ABI1: variants seen among roughly 807,000 people sequenced by gnomAD.
The protein encoded by ABI1 is abl interactor 1.
In ABI1, 14 loss-of-function variants were observed where a neutral mutation model predicts 54.6. That is an observed-to-expected ratio of 0.26 (90% CI 0.17 to 0.40). The LOEUF (loss-of-function observed/expected upper bound fraction) is 0.40. Among genes scored for constraint, ABI1 ranks in the 10% least tolerant of loss-of-function variants. ABI1 has a pLI of 1.00. For missense variants in ABI1, 443 were observed against 598.3 expected (o/e 0.74, Z 2.71); for synonymous variants, 194 against 209.3 (o/e 0.93, Z 0.63).
chr10:26,833,489 C>G (rs1429562033), intron 1 of ABI1, among the ~76,000 whole-genome samples: 1 of 152,062 alleles, frequency 6.6e-6, no homozygotes, highest in Non-Finnish European at 1.5e-5. Flanking sequence ...AGTCTTAATG[C>G]AAAACCTGAA....
At chr10:26,823,064 G>A in intron 2 of ABI1, 74 bp downstream of exon 2, 1 of 1,308,512 alleles carries the variant, frequency 7.6e-7, no homozygotes, top group Non-Finnish European at 1.0e-6. Context: ...ATCCATACAT[G>A]CAGGCTATTT....
At chr10:26,802,073 A>G (rs914534733) in intron 2 of ABI1, among the ~76,000 whole-genome samples, 2 of 152,228 alleles carry the variant, frequency 1.3e-5, no homozygotes, top group African/African-American at 2.4e-5. Flanking sequence ...AATAAGAACT[A>G]AACGAAGAGT....
At chr10:26,759,297 G>C (rs1330374610) in intron 7 of ABI1, 59 bp from the exon 8 acceptor site, 1 of 1,503,476 alleles carries the variant, frequency 6.7e-7, no homozygotes, top group East Asian at 2.3e-5. Context: ...AATCACCTTA[G>C]ATGGCAGAAC....
intron 2 of ABI1, among the ~76,000 whole-genome samples, chr10:26,796,497 G>A (rs1376687983): frequency 6.6e-6 from 1 of 152,118 alleles, no homozygotes; most frequent in African/African-American, 2.4e-5. Context: ...TGTACCATAG[G>A]GCCTAGGTAT....
chr10:26,810,251 A>G (rs1385344130), intron 2 of ABI1, among the ~76,000 whole-genome samples: 1 of 152,134 alleles, frequency 6.6e-6, no homozygotes, highest in Non-Finnish European at 1.5e-5. Context: ...CTTCCATCAT[A>G]TCTTACGCAA....
chr10:26,759,129 G>T lies in ABI1; in HGVS notation c.930C>A (p.Pro310=). ...GAGCAGAAAATTGAGCAGTCACAGA[G>T]GGAGTTCGTCTGTATCCACCAGAAG... ...STSSGGYRRT[P]SVTAQFSAQP... The change falls in exon 8 of 11, where the codon CCC becomes CCA. Residue 310 remains proline, a synonymous_variant. Coordinates refer to ENST00000376140, the MANE Select transcript of ABI1 (RefSeq NM_001012750.3). The T allele has an allele frequency of 6.2e-7, 1 of 1,614,070 alleles. No homozygotes were observed. Among genetic ancestry groups the T allele is most frequent in the South Asian group, 1.1e-5 (1 of 91,080 alleles).
intron 1 of ABI1, among the ~76,000 whole-genome samples, chr10:26,825,838 A>C (rs2048274292): frequency 6.6e-6 from 1 of 152,200 alleles, no homozygotes; most frequent in East Asian, 1.9e-4. Flanking sequence ...TTCACCTATA[A>C]GGAACAACTC....
intron 1 of ABI1, among the ~76,000 whole-genome samples, chr10:26,846,128 T>C (rs7078643): frequency 0.26 from 37,755 of 147,438 alleles, 5,396 homozygotes; most frequent in South Asian, 0.44. Flanking sequence ...GGCGACAGAG[T>C]GAGACTCCGT....
chr10:26,800,414 T>G (rs2046471108), intron 2 of ABI1, among the ~76,000 whole-genome samples: 1 of 151,938 alleles, frequency 6.6e-6, no homozygotes, highest in South Asian at 2.1e-4. Context: ...CTGAATCTAA[T>G]CACAAGGAAG....
chr10:26,849,496 G>A (rs1589075950), intron 1 of ABI1, among the ~76,000 whole-genome samples: 1 of 152,136 alleles, frequency 6.6e-6, no homozygotes, highest in East Asian at 1.9e-4. Flanking sequence ...GCTCCTGTTA[G>A]GAAAAAGCAC....
At chr10:26,768,577 A>G (rs750061247) in intron 6 of ABI1, among the ~76,000 whole-genome samples, 10 of 152,116 alleles carry the variant, frequency 6.6e-5, no homozygotes, top group Non-Finnish European at 1.5e-4. Context: ...CTTAACCCGT[A>G]GAGTCTGATA....
chr10:26,831,753 G>T (rs1446934425), intron 1 of ABI1, among the ~76,000 whole-genome samples: 1 of 151,958 alleles, frequency 6.6e-6, no homozygotes, highest in Non-Finnish European at 1.5e-5. Context: ...CTACAACCTG[G>T]ATTCATCTGA....
chr10:26,754,890 A>G (rs1314129979), intron 9 of ABI1, among the ~76,000 whole-genome samples: 1 of 152,198 alleles, frequency 6.6e-6, no homozygotes, highest in African/African-American at 2.4e-5. Context: ...GTAATCAGGC[A>G]GTAATATAAA....
intron 2 of ABI1, among the ~76,000 whole-genome samples, chr10:26,804,014 C>A (rs1588926244): frequency 6.6e-6 from 1 of 151,742 alleles, no homozygotes. Context: ...AAAAAAAATT[C>A]TATTATATTA....
chr10:26,818,248 G>T (rs4749186), intron 2 of ABI1, among the ~76,000 whole-genome samples: 2 of 135,182 alleles, frequency 1.5e-5, no homozygotes, highest in South Asian at 4.7e-4. Context: ...TTTCTGATCA[G>T]AAATAATAAC....
At position 26,746,607 on chromosome 10, in the gene ABI1, TTTA is replaced by T; in HGVS notation, c.*1960_*1962del. The T allele has an allele frequency of 1.1e-6, 1 of 924,512 alleles. No homozygotes were observed. Among genetic ancestry groups the T allele is most frequent in the Non-Finnish European group, 1.6e-6 (1 of 607,864 alleles). The allele number at this position is 924,512 out of a possible 1,614,324, so 57.3% of individuals were successfully genotyped here. ...AGATATCAAACTTATTGATGGGCAA[TTTA>T]TTTTTTTTTATTGCAAAAGTTTTTT... On this transcript the variant is annotated 3_prime_UTR_variant, in exon 11 of 11. Coordinates refer to ENST00000376140, the MANE Select transcript of ABI1 (RefSeq NM_001012750.3).
At chr10:26,841,392 T>C (rs1044841066) in intron 1 of ABI1, among the ~76,000 whole-genome samples, 4 of 136,528 alleles carry the variant, frequency 2.9e-5, no homozygotes, top group Admixed American at 8.0e-5. Flanking sequence ...TCAACCCACA[T>C]AGTTACCTTT....
intron 2 of ABI1, among the ~76,000 whole-genome samples, chr10:26,817,106 T>G (rs2047623673): frequency 1.3e-5 from 2 of 151,812 alleles, no homozygotes; most frequent in Non-Finnish European, 2.9e-5. Context: ...TTGAGGCGAT[T>G]CTCCTGCCTT....
chr10:26,766,621 T>C (rs191571036), intron 6 of ABI1, among the ~76,000 whole-genome samples: 5 of 152,302 alleles, frequency 3.3e-5, no homozygotes, highest in Admixed American at 6.5e-5. Context: ...TCAAGCCAGG[T>C]GATCAATACT....
Sources: allele counts gnomAD v4.1 joint callset (sites outside exome capture counted in the v4.1 genomes callset), GRCh38; gene constraint gnomAD v4.1.1; transcripts MANE v1.5; gene names NCBI Gene and HGNC (gene_info 2026-07-23, HGNC 2026-07-21).